Variants in MGST1 observed in about 807,000 individuals in gnomAD.
MGST1 encodes glutathione S-transferase 12.
A neutral mutation model predicts 8.9 loss-of-function variants in MGST1; 5 were observed. The observed-to-expected ratio is 0.56, with a 90% CI of 0.29 to 1.19. The LOEUF (loss-of-function observed/expected upper bound fraction) is 1.19, where lower values mean the gene tolerates loss of function less well. MGST1 is among the 50% of genes most tolerant of loss of function. MGST1 has a pLI of 0.08. For missense variants in MGST1, 182 were observed against 187.4 expected, an observed-to-expected ratio of 0.97 and a Z score of 0.17; for synonymous variants, 54 against 67.8, an observed-to-expected ratio of 0.80 and a Z score of 1.00.
At chr12:16,531,877 G>T (rs1263966101) in intron 4 of MGST1, among the ~76,000 whole-genome samples, 2 of 152,120 alleles carry the variant, frequency 1.3e-5, no homozygotes, top group Non-Finnish European at 2.9e-5. Flanking sequence ...GTATTAACAG[G>T]TGCAGGGGGG....
rs1054810519 is a variant in MGST1 at position 16,585,066 on chromosome 12, T to C, written n.483-4462T>C. 4.6e-5 allele frequency among the ~76,000 whole-genome samples: 7 copies of C among 152,196 alleles called. No individual in the cohort carries two copies. The highest frequency in any genetic ancestry group is 1.3e-4 in the Admixed American group (2 of 15,274). On this transcript the variant is annotated intron_variant and non_coding_transcript_variant, in intron 4 of 4. Transcript: ENST00000538857. The surrounding 1 kb of genome is among the most constrained non-coding windows in gnomAD (Gnocchi z 4.7). ...ATATCTAGAAAAAATATCTGGTTTA[T>C]CCAGAAAAATCAGCAACATTAGGCC...
At chr12:16,535,070 C>T (rs564046389) in intron 4 of MGST1, among the ~76,000 whole-genome samples, 4 of 152,294 alleles carry the variant, frequency 2.6e-5, no homozygotes, top group African/African-American at 4.8e-5. Context: ...GTTTGACTCC[C>T]TTATAGGCAC....
rs918970330 is a variant in MGST1, at chr12:16,458,524, A to G, written n.482+74920A>G. 1.3e-5 allele frequency among the ~76,000 whole-genome samples: 2 copies of G among 152,008 alleles called. No homozygotes were observed. The highest frequency in any genetic ancestry group is 2.9e-5 in the Non-Finnish European group (2 of 67,944). On this transcript the variant is annotated intron_variant and non_coding_transcript_variant, in intron 4 of 4. Transcript: ENST00000538857. The surrounding 1 kb of genome is among the most constrained non-coding windows in gnomAD (Gnocchi z 4.0). ...CATTAACATACGATGCTATTGGTGA[A>G]ACTTTATTTAGGAAGGGTGTTAGTT... is the stretch of plus-strand genomic sequence containing the variant.
At chr12:16,430,509 G>A (rs146986745) in intron 1 of MGST1, among the ~76,000 whole-genome samples, 2,433 of 152,234 alleles carry the variant, frequency 0.016, 96 homozygotes, top group Admixed American at 0.092. Context: ...GCTGCAGAAT[G>A]GATATTGTGT....
At chr12:16,575,035 C>T (rs1201890091) in intron 4 of MGST1, among the ~76,000 whole-genome samples, 1 of 152,060 alleles carries the variant, frequency 6.6e-6, no homozygotes, top group Non-Finnish European at 1.5e-5. Context: ...ACAAAACACA[C>T]AAAAGAAAAG....
At chr12:16,483,777 A>G (rs890598951) in intron 4 of MGST1, among the ~76,000 whole-genome samples, 2 of 152,204 alleles carry the variant, frequency 1.3e-5, no homozygotes, top group African/African-American at 4.8e-5. Flanking sequence ...ATTTTAATAC[A>G]CTTCTTTCAT....
chr12:16,537,503 C>T lies in MGST1; in HGVS notation n.483-52025C>T, dbSNP rs543808488. On this transcript the variant is annotated intron_variant and non_coding_transcript_variant, in intron 4 of 4. Transcript: ENST00000538857. The surrounding 1 kb of genome is among the most constrained non-coding windows in gnomAD (Gnocchi z 4.6). ...TGGACTCTGTGTGGGGGCACCAACCCCACATTTCCCTTCCGCACTGCCCTA... is the reference window on the plus strand; with the variant it reads ...TGGACTCTGTGTGGGGGCACCAACCTCACATTTCCCTTCCGCACTGCCCTA... Among the ~76,000 whole-genome samples, 1 of 152,330 alleles carries T rather than the reference C, an allele frequency of 6.6e-6. No homozygotes were observed. The highest frequency in any genetic ancestry group is 2.4e-5 in the African/African-American group (1 of 41,584).
At chr12:16,554,119 ATT>A (rs1180084482) in intron 4 of MGST1, among the ~76,000 whole-genome samples, 1 of 152,176 alleles carries the variant, frequency 6.6e-6, no homozygotes, top group Non-Finnish European at 1.5e-5. Context: ...ATTTCTAGAT[ATT>A]TTTGAGTGAT....
intron 1 of MGST1, among the ~76,000 whole-genome samples, chr12:16,420,426 T>C (rs2137083295): frequency 6.6e-6 from 1 of 152,364 alleles, no homozygotes; most frequent in South Asian, 2.1e-4. Flanking sequence ...TTTGTTCACG[T>C]GTTTTTAAAT....
At chr12:16,420,351 C>T (rs575279868) in intron 1 of MGST1, among the ~76,000 whole-genome samples, 2 of 152,248 alleles carry the variant, frequency 1.3e-5, no homozygotes, top group South Asian at 4.1e-4. Context: ...CTAAGAAAAA[C>T]ACACATTACT....
chr12:16,406,027 C>T (rs915483836), intron 1 of MGST1, among the ~76,000 whole-genome samples: 1 of 152,186 alleles, frequency 6.6e-6, no homozygotes, highest in African/African-American at 2.4e-5. Flanking sequence ...TCTCACCACT[C>T]CCTATGTTAC....
At chr12:16,391,495 C>T (rs1267388381) in intron 1 of MGST1, among the ~76,000 whole-genome samples, 2 of 152,062 alleles carry the variant, frequency 1.3e-5, no homozygotes, top group African/African-American at 4.8e-5. Flanking sequence ...AGGACTTGAA[C>T]TCATTTTTTA....
At position 16,585,020 on chromosome 12, in the gene MGST1, T is replaced by G. The variant is rs1591812155; in HGVS notation, n.483-4508T>G. The stretch of plus-strand genomic sequence containing the variant: ...ATTAGAGTTAGTTGCCAATGTCTTA[T>G]ATACAAGAGATTTTACTGAAATATC... On this transcript the variant is annotated intron_variant and non_coding_transcript_variant, in intron 4 of 4. Transcript: ENST00000538857. The surrounding 1 kb of genome is among the most constrained non-coding windows in gnomAD (Gnocchi z 4.7). Among the ~76,000 whole-genome samples the G allele has an allele frequency of 6.6e-6, 1 of 152,244 alleles. No homozygotes were observed. The highest frequency in any genetic ancestry group is 6.5e-5 in the Admixed American group (1 of 15,282).
At chr12:16,450,725 T>C (rs756490914) in intron 4 of MGST1, among the ~76,000 whole-genome samples, 29 of 151,948 alleles carry the variant, frequency 1.9e-4, no homozygotes, top group Non-Finnish European at 3.7e-4. Flanking sequence ...CTTCCCAGCA[T>C]GAGTGAATGG....
chr12:16,524,797 T>A (rs1349775403), intron 4 of MGST1, among the ~76,000 whole-genome samples: 1 of 152,118 alleles, frequency 6.6e-6, no homozygotes. Flanking sequence ...TAACTATGAC[T>A]ATGTGGCATA....
In MGST1 at chr12:16,586,744, T is replaced by C. The variant is rs1048156091; in HGVS notation, n.483-2784T>C. The stretch of plus-strand genomic sequence containing the variant: ...ATGTTTTTTTCCATTTCTCTGGTAC[T>C]TGAGCTAAGCTCCTGTGGCTCAGAT... On this transcript the variant is annotated intron_variant and non_coding_transcript_variant, in intron 4 of 4. Coordinates refer to the MGST1 transcript ENST00000538857. The surrounding 1 kb of genome is among the most constrained non-coding windows in gnomAD (Gnocchi z 4.3). Among the ~76,000 whole-genome samples the C allele has an allele frequency of 2.6e-5, 4 of 152,212 alleles. No homozygotes were observed. Among genetic ancestry groups the C allele is most frequent in the African/African-American group, 4.8e-5 (2 of 41,464 alleles).
chr12:16,349,869 C>T (rs1297115513), intron 1 of MGST1, among the ~76,000 whole-genome samples: 7 of 151,812 alleles, frequency 4.6e-5, no homozygotes, highest in African/African-American at 1.5e-4. Context: ...CTCAGCCTCC[C>T]GAGTAGCTGG....
chr12:16,572,722 T>C (rs1283421515), intron 4 of MGST1, among the ~76,000 whole-genome samples: 1 of 148,360 alleles, frequency 6.7e-6, no homozygotes, highest in Admixed American at 6.7e-5. Flanking sequence ...TTAAATATAT[T>C]ATAAACCATA....
exon 1 of MGST1, chr12:16,383,257 C>G (rs536030078): frequency 2.0e-5 from 3 of 152,668 alleles, no homozygotes; most frequent in Non-Finnish European, 2.9e-5. Context: ...AGCTGTAGAC[C>G]GGAGCTGTTC....
Sources: allele counts gnomAD v4.1 joint callset (sites outside exome capture counted in the v4.1 genomes callset), GRCh38; gene constraint gnomAD v4.1.1; non-coding constraint Gnocchi (gnomAD v3.1); transcripts MANE v1.5; gene names NCBI Gene and HGNC (gene_info 2026-07-23, HGNC 2026-07-21).